The following MARCHF1 variants were observed in gnomAD, a reference collection of about 807,000 sequenced individuals.
MARCHF1 encodes the protein E3 ubiquitin-protein ligase MARCHF1.
In MARCHF1, 40 loss-of-function variants were observed where a neutral mutation model predicts 54.2. That is an observed-to-expected ratio of 0.74 (90% CI 0.57 to 0.96). The LOEUF is 0.96. Among genes scored for constraint, MARCHF1 ranks in the 40% least tolerant of loss-of-function variants. The pLI, the probability that MARCHF1 is intolerant of heterozygous loss-of-function variation, is 0.00. For missense variants in MARCHF1, 586 were observed against 656.5 expected, an observed-to-expected ratio of 0.89 and a Z score of 1.17; for synonymous variants, 236 against 236.3, an observed-to-expected ratio of 1.00 and a Z score of 0.01.
chr4:164,091,130 T>C (rs1755290126), intron 2 of MARCHF1, among the ~76,000 whole-genome samples: 1 of 152,058 alleles, frequency 6.6e-6, no homozygotes, highest in South Asian at 2.1e-4. Flanking sequence ...TGGTGGCAAA[T>C]ATCAGCTCTT....
intron 5 of MARCHF1, among the ~76,000 whole-genome samples, chr4:163,641,341 C>A (rs1742547302): frequency 6.6e-6 from 1 of 151,958 alleles, no homozygotes; most frequent in African/African-American, 2.4e-5. Context: ...AAAGTTAGTA[C>A]AATTCCTGTA....
At chr4:163,892,135 C>T (rs982950071) in intron 3 of MARCHF1, among the ~76,000 whole-genome samples, 7 of 152,150 alleles carry the variant, frequency 4.6e-5, no homozygotes, top group African/African-American at 1.2e-4. Flanking sequence ...ACTAGATTCA[C>T]ATTTTAAGTT....
At chr4:163,718,273 C>G (rs1156294834) in intron 4 of MARCHF1, among the ~76,000 whole-genome samples, 3 of 152,166 alleles carry the variant, frequency 2.0e-5, no homozygotes, top group Admixed American at 1.3e-4. Context: ...ACACCAAAAG[C>G]AATGGCAACA....
chr4:164,149,014 T>C (rs1729854705), intron 1 of MARCHF1, among the ~76,000 whole-genome samples: 1 of 152,150 alleles, frequency 6.6e-6, no homozygotes, highest in Non-Finnish European at 1.5e-5. Context: ...GGCAGGTCTT[T>C]CATGGATGGG....
At chr4:164,070,388 A>G (rs1021322066) in intron 2 of MARCHF1, among the ~76,000 whole-genome samples, 1 of 152,210 alleles carries the variant, frequency 6.6e-6, no homozygotes, top group Non-Finnish European at 1.5e-5. Context: ...TGAGATATTC[A>G]GGAATTTAAA....
At chr4:164,271,120 G>A (rs1178686090) in intron 1 of MARCHF1, among the ~76,000 whole-genome samples, 1 of 152,166 alleles carries the variant, frequency 6.6e-6, no homozygotes, top group East Asian at 1.9e-4. Context: ...ACAATGTAAT[G>A]AAAGATGCTA....
intron 1 of MARCHF1, among the ~76,000 whole-genome samples, chr4:164,297,495 G>C (rs538123668): frequency 6.6e-6 from 1 of 152,226 alleles, no homozygotes; most frequent in African/African-American, 2.4e-5. Flanking sequence ...GCTATGAATA[G>C]CTGATCAGTA....
At chr4:164,093,876 C>A (rs1321967227) in intron 2 of MARCHF1, among the ~76,000 whole-genome samples, 1 of 152,072 alleles carries the variant, frequency 6.6e-6, no homozygotes, top group Non-Finnish European at 1.5e-5. Context: ...TTTATCTTTT[C>A]TTCTCTTTGC....
chr4:163,629,907 A>G (rs1704618229), intron 5 of MARCHF1, among the ~76,000 whole-genome samples: 2 of 152,374 alleles, frequency 1.3e-5, no homozygotes, highest in South Asian at 4.1e-4. Context: ...AATTACAGCC[A>G]CAATGACATA....
intron 1 of MARCHF1, among the ~76,000 whole-genome samples, chr4:164,116,304 C>T (rs919782186): frequency 6.6e-6 from 1 of 152,108 alleles, no homozygotes; most frequent in Admixed American, 6.6e-5. Context: ...ACTATGCATG[C>T]TGTACTAAAT....
intron 5 of MARCHF1, among the ~76,000 whole-genome samples, chr4:163,645,665 A>T (rs1352743413): frequency 6.6e-6 from 1 of 152,242 alleles, no homozygotes; most frequent in Non-Finnish European, 1.5e-5. Flanking sequence ...TAATAAAGAT[A>T]TAAAGCTGAA....
chr4:163,968,682 G>A (rs910895206), intron 3 of MARCHF1, among the ~76,000 whole-genome samples: 1 of 152,042 alleles, frequency 6.6e-6, no homozygotes, highest in African/African-American at 2.4e-5. Context: ...CATACTAATT[G>A]CACTTAAGAG....
chr4:164,129,227 G>A (rs1756249518), intron 1 of MARCHF1, among the ~76,000 whole-genome samples: 2 of 152,150 alleles, frequency 1.3e-5, no homozygotes, highest in South Asian at 4.1e-4. Context: ...TAAGAAGGAG[G>A]AAGAAGGAAT....
intron 4 of MARCHF1, among the ~76,000 whole-genome samples, chr4:163,790,811 G>T (rs1211269833): frequency 6.6e-6 from 1 of 152,074 alleles, no homozygotes; most frequent in Admixed American, 6.6e-5. Context: ...CCCAGCAGTG[G>T]CATGAGGGAT....
At chr4:163,611,164 C>T (rs1741326429) in intron 7 of MARCHF1, among the ~76,000 whole-genome samples, 1 of 151,998 alleles carries the variant, frequency 6.6e-6, no homozygotes, top group Non-Finnish European at 1.5e-5. Flanking sequence ...AGAAACTATA[C>T]AAATCTTACT....
chr4:163,622,443 A>G lies in MARCHF1; in HGVS notation c.163-9050T>C, dbSNP rs1443478549. Among the ~76,000 whole-genome samples, 3 of 120,308 alleles carry G rather than the reference A, an allele frequency of 2.5e-5. No individual in the cohort carries two copies. In the Admixed American group the frequency reaches 2.5e-4, roughly 10 times the overall value. 78.9% of individuals were successfully genotyped at this position (120,308 alleles called of 152,430 possible). On this transcript the variant is annotated intron_variant, in intron 5 of 9. Transcript: ENST00000514618. ...TAAACTGGTAGAAACAGATCTTTTG[A>G]AAAAAAAAAATCAAACATTTCATTT...
chr4:163,911,638 A>T (rs2111335785), intron 3 of MARCHF1, among the ~76,000 whole-genome samples: 1 of 152,302 alleles, frequency 6.6e-6, no homozygotes, highest in Middle Eastern at 3.4e-3. Context: ...TTGAAGTCCT[A>T]ACCGCCAGTA....
At position 163,620,606 on chromosome 4, in the gene MARCHF1, C is replaced by CACACAG. The variant is rs1282901525; in HGVS notation, c.163-7214_163-7213insCTGTGT. ...ACACACACACACACACACACACACA[C>CACACAG]AGAGAGAGAGAGAGAGAGAGAGAGA... On this transcript the variant is annotated intron_variant, in intron 5 of 9. Transcript: ENST00000514618. Among the ~76,000 whole-genome samples, 16 of 56,938 alleles carry CACACAG rather than the reference C, an allele frequency of 2.8e-4. No homozygotes were observed. The East Asian group carries it at 3.7e-3, about 13-fold the overall frequency. The allele number at this position is 56,938 out of a possible 152,430, so 37.4% of individuals were successfully genotyped here. A position where few individuals can be genotyped will look rare whatever the true frequency, so the allele number is the denominator to read the frequency against.
intron 5 of MARCHF1, among the ~76,000 whole-genome samples, chr4:163,623,184 T>G: frequency 6.6e-6 from 1 of 152,100 alleles, no homozygotes; most frequent in East Asian, 1.9e-4. Flanking sequence ...ACTGAAGCAC[T>G]AGGATCAGGA....
Sources: gnomAD v4.1 joint callset for allele counts (sites outside exome capture counted in the v4.1 genomes callset) on GRCh38, gnomAD v4.1.1 for gene constraint, MANE v1.5 for transcripts, NCBI Gene and HGNC (gene_info 2026-07-23, HGNC 2026-07-21) for gene names.